The following CHN2 variants were observed in gnomAD, a reference collection of about 807,000 sequenced individuals.
CHN2 encodes the protein chimerin 2, also known as beta-chimaerin.
In CHN2, 35 loss-of-function variants were observed where a neutral mutation model predicts 56.3. That is an observed-to-expected ratio of 0.62 (90% CI 0.47 to 0.82). The LOEUF (loss-of-function observed/expected upper bound fraction) is 0.82, where lower values mean the gene tolerates loss of function less well. Ranked by LOEUF, CHN2 falls within the 40% of genes least tolerant of loss-of-function variation. The pLI is 0.00. For missense variants in CHN2, 491 were observed against 580.5 expected (o/e 0.85, Z 1.58); for synonymous variants, 210 against 212.8 (o/e 0.99, Z 0.12).
At chr7:29,158,798 C>A (rs1794781162) in intron 2 of CHN2, among the ~76,000 whole-genome samples, 1 of 152,120 alleles carries the variant, frequency 6.6e-6, no homozygotes, top group Non-Finnish European at 1.5e-5. Context: ...TGATTTCACC[C>A]TATTTTAAAT....
At chr7:29,441,454 A>G (rs1783641546) in intron 6 of CHN2, among the ~76,000 whole-genome samples, 2 of 152,378 alleles carry the variant, frequency 1.3e-5, no homozygotes, top group South Asian at 2.1e-4. Flanking sequence ...AAAGAAACAT[A>G]GAAAATTGAA....
intron 2 of CHN2, among the ~76,000 whole-genome samples, chr7:29,180,863 T>C (rs185870135): frequency 3.9e-4 from 60 of 152,266 alleles, no homozygotes; most frequent in African/African-American, 1.3e-3. Flanking sequence ...ATTTGTAATA[T>C]GGAGATAATA....
At chr7:29,434,475 T>C (rs1056090797) in intron 6 of CHN2, among the ~76,000 whole-genome samples, 3 of 152,064 alleles carry the variant, frequency 2.0e-5, no homozygotes, top group African/African-American at 7.2e-5. Context: ...GAGGATCTTC[T>C]CTGGCCTCTT....
At chr7:29,248,622 A>C (rs1788257286) in intron 1 of CHN2, among the ~76,000 whole-genome samples, 1 of 152,036 alleles carries the variant, frequency 6.6e-6, no homozygotes, top group Non-Finnish European at 1.5e-5. Context: ...CCTCCCTCTT[A>C]AGCCTGGCAT....
At chr7:29,149,132 T>C (rs1305465479) in intron 2 of CHN2, among the ~76,000 whole-genome samples, 1 of 151,166 alleles carries the variant, frequency 6.6e-6, no homozygotes, top group African/African-American at 2.4e-5. Flanking sequence ...AGGGCAAGAA[T>C]GCTGAGCTCT....
chr7:29,480,479 T>G lies in CHN2; in HGVS notation c.654+123T>G, dbSNP rs569985185. 3 of 1,054,610 alleles carry G rather than the reference T, an allele frequency of 2.8e-6. No individual in the cohort carries two copies. In the African/African-American group the frequency reaches 4.7e-5, roughly 17 times the overall value. The allele number at this position is 1,054,610 out of a possible 1,614,324, so 65.3% of individuals were successfully genotyped here. On this transcript the variant is annotated intron_variant, in intron 7 of 12. Transcript: ENST00000222792. ...ACAATGAATTCCTTTGCTTTCCACA[T>G]TTAGCTATAAGCTTAACACCTGCGC...
chr7:29,351,462 A>G (rs181454935), intron 1 of CHN2, among the ~76,000 whole-genome samples: 24 of 152,360 alleles, frequency 1.6e-4, no homozygotes, highest in Admixed American at 1.3e-3. Flanking sequence ...CAACAAATCA[A>G]TAAATAATTT....
chr7:29,293,857 ATTTTTTTTTTTTTTT>A (rs70980522), intron 1 of CHN2, among the ~76,000 whole-genome samples: 1 of 78,498 alleles, frequency 1.3e-5, no homozygotes, highest in East Asian at 3.7e-4. Context: ...GAGGCTGGGA[ATTTTTTTTTTTTTTT>A]TTTTTTTTTT....
chr7:29,302,819 C>T (rs1264653644), intron 1 of CHN2, among the ~76,000 whole-genome samples: 1 of 152,194 alleles, frequency 6.6e-6, no homozygotes, highest in African/African-American at 2.4e-5. Flanking sequence ...TTTGAACTGA[C>T]TACTCCACAT....
intron 3 of CHN2, among the ~76,000 whole-genome samples, chr7:29,388,475 A>G (rs987197201): frequency 1.2e-4 from 12 of 104,140 alleles, no homozygotes; most frequent in Admixed American, 1.1e-4. Context: ...TTGCAAGCAT[A>G]TTACACATAT....
rs767624737 is a variant in CHN2 at position 29,474,549 on chromosome 7, G to A, written c.577-5730G>A. Among the ~76,000 whole-genome samples the A allele has an allele frequency of 3.9e-4, 59 of 152,052 alleles. 1 individual carries two copies. Among genetic ancestry groups the A allele is most frequent in the Admixed American group, 3.9e-4 (6 of 15,270 alleles). The stretch of plus-strand genomic sequence containing the variant: ...CCTCACCACACCCTCATCATCATTC[G>A]TAATATTGATTTTCATTTCATGCAC... On this transcript the variant is annotated intron_variant, in intron 6 of 12. Coordinates refer to ENST00000222792, the MANE Select transcript of CHN2 (RefSeq NM_004067.4).
chr7:29,211,437 A>G lies in CHN2; in HGVS notation c.49+16447A>G, dbSNP rs1391088481. 2.8e-5 allele frequency among the ~76,000 whole-genome samples: 4 copies of G among 144,288 alleles called. No homozygotes were observed. In the South Asian group the frequency reaches 8.7e-4, roughly 31 times the overall value. 94.7% of individuals were successfully genotyped at this position (144,288 alleles called of 152,430 possible). Reference sequence around the variant, plus strand: ...TATGTTGAGATTAGACTAAACACAAATGCTGCATGTTGGCACACACACACA... The same window carrying G: ...TATGTTGAGATTAGACTAAACACAAGTGCTGCATGTTGGCACACACACACA... On this transcript the variant is annotated intron_variant, in intron 1 of 12. Coordinates refer to ENST00000222792, the MANE Select transcript of CHN2 (RefSeq NM_004067.4).
chr7:29,323,475 AC>A (rs1458641987), intron 1 of CHN2, among the ~76,000 whole-genome samples: 2 of 152,140 alleles, frequency 1.3e-5, no homozygotes, highest in Admixed American at 1.3e-4. Flanking sequence ...GTCATACTTT[AC>A]TGGAACAGCC....
intron 1 of CHN2, among the ~76,000 whole-genome samples, chr7:29,235,754 G>T (rs1787144481): frequency 6.6e-6 from 1 of 152,190 alleles, no homozygotes; most frequent in African/African-American, 2.4e-5. Flanking sequence ...GATGGAGCCG[G>T]AGGCCATTAT....
chr7:29,482,079 G>A (rs1389926334), intron 7 of CHN2, among the ~76,000 whole-genome samples: 3 of 152,142 alleles, frequency 2.0e-5, no homozygotes. Flanking sequence ...AAGTAGTACT[G>A]TTGCTAACAC....
intron 1 of CHN2, among the ~76,000 whole-genome samples, chr7:29,248,185 G>A (rs747087784): frequency 3.3e-5 from 5 of 152,368 alleles, no homozygotes; most frequent in Middle Eastern, 6.8e-3. Context: ...GGGCCAGAGC[G>A]TCTGGAGAGA....
chr7:29,230,317 T>G (rs1281648404), intron 1 of CHN2, among the ~76,000 whole-genome samples: 1 of 152,216 alleles, frequency 6.6e-6, no homozygotes, highest in African/African-American at 2.4e-5. Context: ...TACCTAAATC[T>G]TTTATAAAAT....
Position 29,194,951 on chromosome 7 carries a change from T to C in CHN2, c.10T>C (p.Ser4Pro), listed in dbSNP as rs1268097823. The C allele has an allele frequency of 6.3e-7, 1 of 1,575,372 alleles. No homozygotes were observed. Among genetic ancestry groups the C allele is most frequent in the Non-Finnish European group, 8.6e-7 (1 of 1,164,104 alleles). The change falls in exon 1 of 13, where the codon TCC becomes CCC. Residue 4 changes from serine (S) to proline (P), a missense_variant. Transcript: ENST00000222792. ...CGAGGGGCGCGCGGAGATGGCAGCG[T>C]CCAGCAACTCCAGCCTGTCCGGCTC... MAA[S>P]SNSSLSGSSV...
chr7:29,431,180 C>T lies in CHN2; in HGVS notation c.576+30352C>T, dbSNP rs533696004. On this transcript the variant is annotated intron_variant, in intron 6 of 12. Transcript: ENST00000222792. ...CATTTAGGGAAGTTTTGCCCCTGCT[C>T]CTGGGATAAATGCTCTGTTATGCCC... 2.8e-4 allele frequency among the ~76,000 whole-genome samples: 43 copies of T among 152,256 alleles called. No homozygotes were observed. The South Asian group carries it at 8.5e-3, about 30-fold the overall frequency.
Sources: allele counts gnomAD v4.1 joint callset (sites outside exome capture counted in the v4.1 genomes callset), GRCh38; gene constraint gnomAD v4.1.1; transcripts MANE v1.5; gene names NCBI Gene and HGNC (gene_info 2026-07-23, HGNC 2026-07-21).